KCND3: variants seen among roughly 807,000 people sequenced by gnomAD.
KCND3 encodes A-type voltage-gated potassium channel KCND3.
In KCND3, 9 loss-of-function variants were observed where a neutral mutation model predicts 51.1. The ratio of observed to expected loss-of-function variants is 0.18; its 90% CI spans 0.11 to 0.31. The LOEUF is 0.31. Among genes scored for constraint, KCND3 ranks in the 10% least tolerant of loss-of-function variants. KCND3 has a pLI of 1.00. For missense variants in KCND3, 526 were observed against 903.8 expected, an observed-to-expected ratio of 0.58 and a Z score of 5.36; for synonymous variants, 349 against 368.0, an observed-to-expected ratio of 0.95 and a Z score of 0.59.
At chr1:111,922,143 G>A (rs1216658656) in intron 2 of KCND3, among the ~76,000 whole-genome samples, 4 of 152,166 alleles carry the variant, frequency 2.6e-5, no homozygotes, top group East Asian at 1.9e-4. Context: ...CAAGAGAGGC[G>A]ATGCCATTAT....
intron 2 of KCND3, among the ~76,000 whole-genome samples, chr1:111,836,340 C>A (rs1354765648): frequency 1.3e-5 from 2 of 152,218 alleles, no homozygotes; most frequent in Non-Finnish European, 2.9e-5. Context: ...CAATGACTCC[C>A]CGTCTCTCGC....
At chr1:111,896,659 T>A (rs1417214967) in intron 2 of KCND3, among the ~76,000 whole-genome samples, 1 of 152,186 alleles carries the variant, frequency 6.6e-6, no homozygotes, top group Non-Finnish European at 1.5e-5. Flanking sequence ...TAGGTTCAAA[T>A]GAGCAAAAGG....
At chr1:111,933,173 C>A (rs894011132) in intron 2 of KCND3, among the ~76,000 whole-genome samples, 1 of 152,156 alleles carries the variant, frequency 6.6e-6, no homozygotes, top group African/African-American at 2.4e-5. Flanking sequence ...GCCACCCTGT[C>A]AAGAGGTGCC....
chr1:111,958,558 G>A (rs1210588754), intron 2 of KCND3, among the ~76,000 whole-genome samples: 1 of 152,198 alleles, frequency 6.6e-6, no homozygotes, highest in African/African-American at 2.4e-5. Flanking sequence ...AATCGAAATT[G>A]GTGAAATAAA....
Position 111,776,097 on chromosome 1 carries a change from C to T in KCND3, c.1948G>A (p.Val650Ile), listed in dbSNP as rs767502190. ...TNIPSIASNV[V>I]KVSAL ...TGGTTTTACAAGGCGGAGACCTTGACAACATTGCTGGCTATGGAAGGAATG... is the reference window on the plus strand; with the variant it reads ...TGGTTTTACAAGGCGGAGACCTTGATAACATTGCTGGCTATGGAAGGAATG... The change falls in exon 8 of 8, where the codon GTC becomes ATC. Residue 650 changes from valine (V) to isoleucine (I), a missense_variant. By Grantham distance (29) the Val-to-Ile change is conservative. This residue lies in a region of KCND3 where 266 missense variants were observed against 305.5 expected (regional missense o/e 0.87). Coordinates refer to ENST00000302127, the MANE Select transcript of KCND3 (RefSeq NM_001378969.1). 3 of 1,614,194 alleles carry T rather than the reference C, an allele frequency of 1.9e-6. No individual in the cohort carries two copies. Among genetic ancestry groups the T allele is most frequent in the South Asian group, 1.1e-5 (1 of 91,086 alleles).
rs1675017825 is a variant in KCND3 at position 111,982,561 on chromosome 1, T to C, written c.166A>G (p.Thr56Ala). Residue 56 changes from threonine to alanine, a missense_variant, in exon 2 of 8, where the codon ACC (threonine) becomes GCC (alanine). Thr to Ala is a moderately conservative substitution (Grantham distance 58). This residue lies in a region of KCND3 where 159 missense variants were observed against 262.8 expected (regional missense o/e 0.61). Coordinates refer to ENST00000302127, the MANE Select transcript of KCND3 (RefSeq NM_001378969.1). The surrounding 1 kb of genome is among the most constrained non-coding windows in gnomAD (Gnocchi z 8.5). The stretch of plus-strand genomic sequence containing the variant: ...GTGTCCGGGTAGCGCTCCAGCGTGG[T>C]CCTCCAGGTCTGGAACCTCCGCCCA... ...VSGRRFQTWR[T>A]TLERYPDTLL... 1.2e-6 allele frequency: 2 copies of C among 1,611,250 alleles called. No individual in the cohort carries two copies. The highest frequency in any genetic ancestry group is 1.1e-5 in the South Asian group (1 of 90,932).
chr1:111,884,157 G>T (rs913764670), intron 2 of KCND3, among the ~76,000 whole-genome samples: 3 of 152,160 alleles, frequency 2.0e-5, no homozygotes, highest in Non-Finnish European at 4.4e-5. Context: ...AGGAGGACTG[G>T]TCGGCCACTA....
At chr1:111,895,833 C>A (rs1326320106) in intron 2 of KCND3, among the ~76,000 whole-genome samples, 1 of 152,238 alleles carries the variant, frequency 6.6e-6, no homozygotes, top group African/African-American at 2.4e-5. Context: ...GTGTCCTAGC[C>A]TCCTGCAAAC....
chr1:111,989,553 A>T lies in KCND3; in HGVS notation c.-121T>A, dbSNP rs867691470. Among the ~76,000 whole-genome samples the T allele has an allele frequency of 2.1e-4, 32 of 149,556 alleles. No homozygotes were observed. The South Asian group carries it at 5.4e-3, about 25-fold the overall frequency. ...CCGCGCCCGGCGCCCCGCGCGCGCG[A>T]GGAAGCTGCGGCCGGGAGCCGGGGC... On this transcript the variant is annotated 5_prime_UTR_variant, in exon 1 of 8. Transcript: ENST00000302127.
chr1:111,834,621 A>G (rs934593325), intron 2 of KCND3, among the ~76,000 whole-genome samples: 2 of 152,230 alleles, frequency 1.3e-5, no homozygotes, highest in Non-Finnish European at 2.9e-5. Context: ...AACTTTTGCA[A>G]TAATGAAGAA....
intron 2 of KCND3, among the ~76,000 whole-genome samples, chr1:111,811,532 G>T (rs902198389): frequency 6.6e-6 from 1 of 152,060 alleles, no homozygotes; most frequent in Non-Finnish European, 1.5e-5. Context: ...CTAAGGGGTG[G>T]GCGATGAAAG....
chr1:111,874,106 T>C (rs904293419), intron 2 of KCND3, among the ~76,000 whole-genome samples: 3 of 152,186 alleles, frequency 2.0e-5, no homozygotes, highest in African/African-American at 7.2e-5. Flanking sequence ...CACTCACAGA[T>C]GGGCAGCTCA....
chr1:111,919,406 T>C (rs1391264045), intron 2 of KCND3, among the ~76,000 whole-genome samples: 2 of 151,872 alleles, frequency 1.3e-5, no homozygotes, highest in Non-Finnish European at 2.9e-5. Context: ...GCCTGGGACC[T>C]GAATGATAAG....
intron 2 of KCND3, among the ~76,000 whole-genome samples, chr1:111,961,354 C>T (rs1189070208): frequency 6.6e-6 from 1 of 152,218 alleles, no homozygotes; most frequent in Admixed American, 6.5e-5. Flanking sequence ...CAACTCATCC[C>T]TGATAAATAA....
chr1:111,975,772 A>G (rs995981253), intron 2 of KCND3, among the ~76,000 whole-genome samples: 7 of 151,994 alleles, frequency 4.6e-5, no homozygotes, highest in Non-Finnish European at 1.0e-4. Flanking sequence ...TTGCAGCTTG[A>G]CCATTTGGAC....
intron 2 of KCND3, among the ~76,000 whole-genome samples, chr1:111,866,254 TTTTCTTTTC>T (rs1443528103): frequency 3.3e-5 from 2 of 60,814 alleles, no homozygotes; most frequent in African/African-American, 1.1e-4. Flanking sequence ...TCTTTCTTTC[TTTTCTTTTC>T]TTTTTTTTTT....
chr1:111,889,491 G>A (rs1669728428), intron 2 of KCND3, among the ~76,000 whole-genome samples: 1 of 152,224 alleles, frequency 6.6e-6, no homozygotes, highest in African/African-American at 2.4e-5. Context: ...GAAGGTTCTA[G>A]TAAAGGAAGA....
intron 3 of KCND3, among the ~76,000 whole-genome samples, chr1:111,783,420 G>A (rs1664473946): frequency 6.6e-6 from 1 of 152,176 alleles, no homozygotes; most frequent in South Asian, 2.1e-4. Context: ...AGACTCCAGG[G>A]TTGGAGGAGA....
At chr1:111,970,701 G>T (rs1278104331) in intron 2 of KCND3, among the ~76,000 whole-genome samples, 3 of 152,176 alleles carry the variant, frequency 2.0e-5, no homozygotes, top group Non-Finnish European at 4.4e-5. Context: ...ACCCAGTAAT[G>T]CTACTACCAT....
Sources: gnomAD v4.1 joint callset for allele counts (sites outside exome capture counted in the v4.1 genomes callset) on GRCh38, gnomAD v4.1.1 for gene constraint, gnomAD v4.1.1 regional missense constraint, Gnocchi (gnomAD v3.1) non-coding constraint, MANE v1.5 for transcripts, NCBI Gene and HGNC (gene_info 2026-07-23, HGNC 2026-07-21) for gene names.